FMO1: variants seen among roughly 807,000 people sequenced by gnomAD.
The protein encoded by FMO1 is flavin-containing monooxygenase 1.
Under a neutral mutation model 45.4 loss-of-function variants are expected in FMO1, and 36 were observed. The ratio of observed to expected loss-of-function variants is 0.79; its 90% CI spans 0.61 to 1.05. The LOEUF is 1.05. FMO1 is among the 50% of genes least tolerant of loss of function. The pLI, the probability that FMO1 is intolerant of heterozygous loss-of-function variation, is 0.00. For missense variants in FMO1, 615 were observed against 640.3 expected, an observed-to-expected ratio of 0.96 and a Z score of 0.43; for synonymous variants, 228 against 227.2, an observed-to-expected ratio of 1.00 and a Z score of -0.03.
At chr1:171,271,620 G>T (rs1470428433) in intron 3 of FMO1, 3 of 738,430 alleles carry the variant, frequency 4.1e-6, no homozygotes, top group Admixed American at 1.7e-5. Context: ...GAGGCACAGA[G>T]TTGCCCAGTG....
Position 171,267,545 on chromosome 1 carries a change from A to G in FMO1, c.135A>G (p.Glu45=). ...ATGTGTGTGCACTGTTTGTACAGGA[A>G]CATGTTGAAGAAGGCAGAGCCAGTC... The part of the protein sequence containing the change: ...DDLGGLWRFT[E]HVEEGRASLY... The change falls in exon 3 of 9, where the codon GAA becomes GAG. Residue 45 remains glutamate (E), a splice_region_variant and synonymous_variant. Coordinates refer to ENST00000617670, the MANE Select transcript of FMO1 (RefSeq NM_001282693.2). 6.3e-7 allele frequency: 1 copy of G among 1,597,618 alleles called. No homozygotes were observed.
chr1:171,265,086 T>A (rs1157327808), intron 2 of FMO1, among the ~76,000 whole-genome samples: 1 of 151,938 alleles, frequency 6.6e-6, no homozygotes, highest in South Asian at 2.1e-4. Context: ...TAGACTGTTG[T>A]CAAATATAAT....
At chr1:171,273,068 GTAGGTC>G (rs1373690919) in intron 3 of FMO1, among the ~76,000 whole-genome samples, 6 of 152,194 alleles carry the variant, frequency 3.9e-5, no homozygotes, top group Non-Finnish European at 8.8e-5. Flanking sequence ...AATCATGAGG[GTAGGTC>G]TTTCCCATGC....
chr1:171,280,662 G>A (rs1339969444), intron 5 of FMO1, 124 bp from the exon 6 acceptor site: 2 of 709,116 alleles, frequency 2.8e-6, no homozygotes, highest in Non-Finnish European at 5.0e-6. Flanking sequence ...TCTTGTCAGG[G>A]GTGTATTTTG....
rs116247537 is a variant in FMO1 at position 171,270,727 on chromosome 1, G to C, written c.321+2996G>C. The stretch of plus-strand genomic sequence containing the variant: ...AAATTTCCATGCCAATTTACAACCC[G>C]CATACTGCACCAGGCAAGGTTAGTG... On this transcript the variant is annotated intron_variant, in intron 3 of 8. Coordinates refer to ENST00000617670, the MANE Select transcript of FMO1 (RefSeq NM_001282693.2). 1.5e-3 allele frequency: 1,659 copies of C among 1,112,508 alleles called. 22 individuals are homozygous for C. The African/African-American group carries it at 0.025, about 17-fold the overall frequency. 68.9% of individuals were successfully genotyped at this position (1,112,508 alleles called of 1,614,324 possible).
intron 3 of FMO1, chr1:171,271,655 G>T (rs981791005): frequency 8.6e-6 from 6 of 701,092 alleles, no homozygotes; most frequent in Non-Finnish European, 1.5e-5. Flanking sequence ...ACTTGCCCCA[G>T]TGCTGTCTCT....
At chr1:171,254,623 A>G (rs541377206) in intron 1 of FMO1, among the ~76,000 whole-genome samples, 1 of 152,300 alleles carries the variant, frequency 6.6e-6, no homozygotes, top group South Asian at 2.1e-4. Context: ...TGTCTTATGG[A>G]TGATACACTG....
intron 2 of FMO1, among the ~76,000 whole-genome samples, chr1:171,259,164 C>G (rs956182895): frequency 6.6e-6 from 1 of 152,206 alleles, no homozygotes; most frequent in African/African-American, 2.4e-5. Context: ...GAGAAAGACA[C>G]AGCATTTCTC....
chr1:171,264,058 CT>C (rs1442726566), intron 2 of FMO1, among the ~76,000 whole-genome samples: 1 of 152,146 alleles, frequency 6.6e-6, no homozygotes, highest in Non-Finnish European at 1.5e-5. Flanking sequence ...CCTCTGTAAG[CT>C]ACAGTTTCTC....
intron 4 of FMO1, among the ~76,000 whole-genome samples, chr1:171,277,241 A>C (rs922417359): frequency 1.3e-5 from 2 of 152,164 alleles, no homozygotes; most frequent in Non-Finnish European, 2.9e-5. Flanking sequence ...TAACTGTCAA[A>C]TAAAATTCAA....
chr1:171,283,530 T>C (rs1276072738), intron 8 of FMO1, among the ~76,000 whole-genome samples: 1 of 152,130 alleles, frequency 6.6e-6, no homozygotes, highest in African/African-American at 2.4e-5. Flanking sequence ...AACCCTAATC[T>C]ACCAGGTACA....
Position 171,282,260 on chromosome 1 carries a change from C to T in FMO1, c.1110C>T (p.Gly370=). 1 of 1,613,912 alleles carries T rather than the reference C, an allele frequency of 6.2e-7. No homozygotes were observed. The highest frequency in any genetic ancestry group is 8.5e-7 in the Non-Finnish European group (1 of 1,179,882). The change falls in exon 7 of 9, where the codon GGC becomes GGT. Residue 370 remains glycine, a synonymous_variant. Coordinates refer to ENST00000617670, the MANE Select transcript of FMO1 (RefSeq NM_001282693.2). ...AAAAGCCAACCCTGGCCATTATTGG[C>T]CTCATCAAACCCTTGGGCTCCATGA... is the stretch of plus-strand genomic sequence containing the variant. The part of the protein sequence containing the change: ...HLQKPTLAII[G]LIKPLGSMIP...
intron 8 of FMO1, 79 bp downstream of exon 8, chr1:171,283,295 A>AAAAAAAAAAAAAAAAAAAAAAC (rs1661466178): frequency 1.8e-6 from 1 of 566,376 alleles, no homozygotes; most frequent in Non-Finnish European, 2.8e-6. Context: ...AAAAAAAAAA[A>AAAAAAAAAAAAAAAAAAAAAAC]AAGGAAATGA....
intron 3 of FMO1, chr1:171,270,827 A>G (rs1487016435): frequency 2.7e-6 from 2 of 749,480 alleles, no homozygotes; most frequent in Non-Finnish European, 4.0e-6. Flanking sequence ...AAAAAAAGAC[A>G]CTGTACAGTT....
chr1:171,277,069 T>A (rs1304679309), intron 4 of FMO1, among the ~76,000 whole-genome samples: 2 of 152,188 alleles, frequency 1.3e-5, no homozygotes, highest in Non-Finnish European at 2.9e-5. Flanking sequence ...AAAACCCATC[T>A]TATCTACCAC....
At chr1:171,271,062 G>A (rs1364426103) in intron 3 of FMO1, 8 of 996,272 alleles carry the variant, frequency 8.0e-6, no homozygotes, top group Non-Finnish European at 7.7e-6. Context: ...TTTCAGCCTT[G>A]ATAAATCCCT....
chr1:171,257,825 T>G, intron 1 of FMO1: 1 of 450,778 alleles, frequency 2.2e-6, no homozygotes, highest in Non-Finnish European at 4.1e-6. Flanking sequence ...CCAGCAGCTC[T>G]GCCAGAAGCT....
At chr1:171,283,489 G>A (rs1001159467) in intron 8 of FMO1, among the ~76,000 whole-genome samples, 1 of 151,938 alleles carries the variant, frequency 6.6e-6, no homozygotes, top group Non-Finnish European at 1.5e-5. Context: ...ATCACATAGA[G>A]TTTGGATTCC....
chr1:171,268,271 C>T (rs968674004), intron 3 of FMO1, among the ~76,000 whole-genome samples: 6 of 152,132 alleles, frequency 3.9e-5, no homozygotes, highest in South Asian at 2.1e-4. Context: ...TATTTTTTAG[C>T]GATGGGGTCT....
Sources: gnomAD v4.1 joint callset for allele counts (sites outside exome capture counted in the v4.1 genomes callset) on GRCh38, gnomAD v4.1.1 for gene constraint, MANE v1.5 for transcripts, NCBI Gene and HGNC (gene_info 2026-07-23, HGNC 2026-07-21) for gene names.